MTMR9: variants seen among roughly 807,000 people sequenced by gnomAD.
MTMR9 encodes myotubularin-related protein 9.
Under a neutral mutation model 69.5 loss-of-function variants are expected in MTMR9, and 39 were observed. That is an observed-to-expected ratio of 0.56 (90% confidence interval 0.43 to 0.73). The LOEUF is 0.73. MTMR9 is among the 30% of genes least tolerant of loss of function. MTMR9 has a pLI of 0.00. For synonymous variants in MTMR9, 354 were observed against 240.8 expected (o/e 1.47, Z -4.35); for missense variants, 900 against 671.2 (o/e 1.34, Z -3.77).
intron 7 of MTMR9, 76 bp downstream of exon 7, chr8:11,315,140 A>T: frequency 6.5e-7 from 1 of 1,530,364 alleles, no homozygotes; most frequent in Non-Finnish European, 8.9e-7. Flanking sequence ...AGCTGACATA[A>T]TGTGTGAAAT....
intron 2 of MTMR9, among the ~76,000 whole-genome samples, chr8:11,295,734 T>G (rs1799532868): frequency 1.3e-5 from 2 of 152,254 alleles, no homozygotes; most frequent in African/African-American, 4.8e-5. Flanking sequence ...CCAAAGACTG[T>G]AAACTTCTTT....
chr8:11,332,514 C>A (rs990824499), downstream of MTMR9, among the ~76,000 whole-genome samples: 1 of 151,520 alleles, frequency 6.6e-6, no homozygotes, highest in African/African-American at 2.4e-5. Context: ...TAGAAAGGAA[C>A]CAGGTAGAAA....
intron 6 of MTMR9, among the ~76,000 whole-genome samples, chr8:11,311,909 A>G (rs912873614): frequency 4.6e-5 from 7 of 151,346 alleles, no homozygotes; most frequent in Admixed American, 2.0e-4. Flanking sequence ...CATTTCAACA[A>G]TATTCACAGC....
At chr8:11,330,814 G>C (rs1321523790), downstream of MTMR9, 2 of 489,290 alleles carry the variant, frequency 4.1e-6, no homozygotes, top group East Asian at 3.5e-5. Context: ...AGGAAAACCA[G>C]AGACCTTTGT....
rs375872817 is a variant in MTMR9, at chr8:11,306,321, G to C, written c.723G>C (p.Val241=). The change falls in exon 5 of 10, where the codon GTG becomes GTC. Residue 241 remains valine (V), a synonymous_variant. Coordinates refer to ENST00000221086, the MANE Select transcript of MTMR9 (RefSeq NM_015458.4). ...GYIIDTRSLN[V]AQQTRAKGGG... Reference sequence around the variant, plus strand: ...TCATTGACACCCGATCCCTGAACGTGGCTCAGCAAACTAGAGCCAAAGGAG... The same window carrying C: ...TCATTGACACCCGATCCCTGAACGTCGCTCAGCAAACTAGAGCCAAAGGAG... 6.2e-7 allele frequency: 1 copy of C among 1,614,046 alleles called. No homozygotes were observed. The highest frequency in any genetic ancestry group is 1.1e-5 in the South Asian group (1 of 91,080).
intron 1 of MTMR9, among the ~76,000 whole-genome samples, chr8:11,285,948 C>CTTTTTTTTTTTTTTTTTT (rs755153057): frequency 9.3e-6 from 1 of 107,112 alleles, no homozygotes; most frequent in African/African-American, 3.8e-5. Context: ...TTCTTTCTTT[C>CTTTTTTTTTTTTTTTTTT]TTTTTTTTTT....
At chr8:11,311,918 G>A (rs147935918) in intron 6 of MTMR9, among the ~76,000 whole-genome samples, 162 of 148,300 alleles carry the variant, frequency 1.1e-3, no homozygotes, top group Middle Eastern at 3.6e-3. Context: ...AATATTCACA[G>A]CATCTTCACC....
intron 8 of MTMR9, 130 bp downstream of exon 8, chr8:11,317,023 A>G: frequency 3.7e-6 from 2 of 534,840 alleles, no homozygotes; most frequent in East Asian, 6.1e-5. Context: ...TAGAGGCTAC[A>G]GTTAATTATA....
At chr8:11,305,208 C>A (rs1799894760) in intron 4 of MTMR9, among the ~76,000 whole-genome samples, 194 bp downstream of exon 4, 1 of 152,150 alleles carries the variant, frequency 6.6e-6, no homozygotes, top group Non-Finnish European at 1.5e-5. Context: ...ATGCTGAATT[C>A]TTTCCATGAT....
chr8:11,294,690 T>G (rs1799488461), intron 1 of MTMR9: 1 of 151,890 alleles, frequency 6.6e-6, no homozygotes, highest in Non-Finnish European at 1.5e-5. Context: ...AGAATTTCAC[T>G]GTGTTAGCCA....
intron 2 of MTMR9, among the ~76,000 whole-genome samples, chr8:11,299,649 C>A (rs942217439): frequency 3.9e-5 from 6 of 152,176 alleles, no homozygotes; most frequent in African/African-American, 1.4e-4. Flanking sequence ...GGATTTTGAG[C>A]CAAGACCTTA....
chr8:11,331,579 A>G (rs1291055276), downstream of MTMR9: 2 of 1,606,328 alleles, frequency 1.2e-6, no homozygotes, highest in African/African-American at 1.4e-5. Context: ...GGTGGCTACG[A>G]GTGGTGTGGA....
At chr8:11,317,450 C>G (rs1800471881) in intron 8 of MTMR9, 2 of 152,194 alleles carry the variant, frequency 1.3e-5, no homozygotes, top group East Asian at 1.9e-4. Flanking sequence ...AAGGAGAATT[C>G]TCATAAAGGC....
At chr8:11,296,553 G>C (rs958969215) in intron 2 of MTMR9, among the ~76,000 whole-genome samples, 3 of 152,088 alleles carry the variant, frequency 2.0e-5, no homozygotes, top group African/African-American at 7.2e-5. Flanking sequence ...CCTCTCTCCA[G>C]CTCCTGAGAA....
intron 5 of MTMR9, among the ~76,000 whole-genome samples, chr8:11,308,885 C>T (rs1800073346): frequency 6.6e-6 from 1 of 152,216 alleles, no homozygotes; most frequent in Non-Finnish European, 1.5e-5. Context: ...TCTAAGCCAA[C>T]CCTGTGGTCT....
At chr8:11,299,984 G>A (rs1259774770) in intron 2 of MTMR9, 39 bp from the exon 3 acceptor site, 2 of 1,596,896 alleles carry the variant, frequency 1.3e-6, no homozygotes, top group Non-Finnish European at 1.7e-6. Context: ...TCCAGTTGTG[G>A]ATGTTTCTTT....
the MTMR9 span, among the ~76,000 whole-genome samples, chr8:11,335,611 A>G: frequency 6.6e-6 from 1 of 152,180 alleles, no homozygotes; most frequent in Non-Finnish European, 1.5e-5. Context: ...ATTGAAGGAG[A>G]AGAACAAAGT....
At chr8:11,310,449 A>G (rs989251599) in intron 6 of MTMR9, among the ~76,000 whole-genome samples, 5 of 152,206 alleles carry the variant, frequency 3.3e-5, no homozygotes, top group Non-Finnish European at 7.3e-5. Context: ...ATGCTTCCAA[A>G]TTAGGGAAAT....
At chr8:11,329,136 G>T (rs923795384), downstream of MTMR9, among the ~76,000 whole-genome samples, 4 of 152,164 alleles carry the variant, frequency 2.6e-5, no homozygotes, top group Non-Finnish European at 5.9e-5. Context: ...TGGTGTATAT[G>T]TCTGTGTTAA....
Sources: allele counts gnomAD v4.1 joint callset (sites outside exome capture counted in the v4.1 genomes callset), GRCh38; gene constraint gnomAD v4.1.1; transcripts MANE v1.5; gene names NCBI Gene and HGNC (gene_info 2026-07-23, HGNC 2026-07-21).